Variants in CACUL1 observed in about 807,000 individuals in gnomAD.
CACUL1 encodes CDK2 associated cullin domain 1.
In CACUL1, 13 loss-of-function variants were observed where a neutral mutation model predicts 45.2. That is an observed-to-expected ratio of 0.29 (90% CI 0.19 to 0.46). The LOEUF (loss-of-function observed/expected upper bound fraction) is 0.46, where lower values mean the gene tolerates loss of function less well. Among genes scored for constraint, CACUL1 ranks in the 20% least tolerant of loss-of-function variants. CACUL1 has a pLI of 1.00. For missense variants in CACUL1, 421 were observed against 471.4 expected, an observed-to-expected ratio of 0.89 and a Z score of 0.99; for synonymous variants, 197 against 174.2, an observed-to-expected ratio of 1.13 and a Z score of -1.03.
In CACUL1 at chr10:118,679,544, G is replaced by C. The variant is rs2119524493; in HGVS notation, c.*6584C>G. The C allele has an allele frequency of 6.6e-6, 1 of 151,760 alleles. No homozygotes were observed. Among genetic ancestry groups the C allele is most frequent in the Non-Finnish European group, 1.5e-5 (1 of 67,960 alleles). The allele number at this position is 151,760 out of a possible 1,614,324, so 9.4% of individuals were successfully genotyped here. ...CTTTTTTTGTTTTTTGCTTGAGATA[G>C]TTTCACTCTTGTCGCCCAGGCTGGA... On this transcript the variant is annotated 3_prime_UTR_variant, in exon 9 of 9. Coordinates refer to ENST00000369151, the MANE Select transcript of CACUL1 (RefSeq NM_153810.5).
chr10:118,691,506 A>G, intron 6 of CACUL1, 103 bp from the exon 7 acceptor site: 1 of 1,039,354 alleles, frequency 9.6e-7, no homozygotes, highest in Non-Finnish European at 1.4e-6. Flanking sequence ...GCCAAATTTA[A>G]GCAGGGGAAA....
At chr10:118,714,865 A>C (rs1467653172) in intron 3 of CACUL1, among the ~76,000 whole-genome samples, 1 of 152,224 alleles carries the variant, frequency 6.6e-6, no homozygotes, top group Non-Finnish European at 1.5e-5. Flanking sequence ...AATTCATGCT[A>C]AGGCACCAGC....
chr10:118,712,641 G>A (rs1845500140), intron 3 of CACUL1, among the ~76,000 whole-genome samples: 1 of 152,212 alleles, frequency 6.6e-6, no homozygotes, highest in Non-Finnish European at 1.5e-5. Context: ...TCCACAGCCA[G>A]GGTGTCCGGA....
intron 3 of CACUL1, among the ~76,000 whole-genome samples, chr10:118,728,318 T>TG (rs1265506803): frequency 5.7e-5 from 1 of 17,438 alleles, no homozygotes; most frequent in Non-Finnish European, 1.7e-4. Context: ...GTGACTTTTC[T>TG]TTTTTTTTTT....
chr10:118,680,544 G>C lies in CACUL1; in HGVS notation c.*5584C>G, dbSNP rs773701929. Reference sequence around the variant, plus strand: ...TAAAGTAAGGTTACAAATAACCTAGGGGATGACACTAATTTCATAGCAAGA... The same window carrying C: ...TAAAGTAAGGTTACAAATAACCTAGCGGATGACACTAATTTCATAGCAAGA... On this transcript the variant is annotated 3_prime_UTR_variant, in exon 9 of 9. Transcript: ENST00000369151. 1 of 152,044 alleles carries C rather than the reference G, an allele frequency of 6.6e-6. No individual in the cohort carries two copies. The highest frequency in any genetic ancestry group is 1.5e-5 in the Non-Finnish European group (1 of 68,016). The allele number at this position is 152,044 out of a possible 1,614,324, so 9.4% of individuals were successfully genotyped here.
At chr10:118,702,201 C>T (rs1845388445) in intron 4 of CACUL1, among the ~76,000 whole-genome samples, 1 of 152,152 alleles carries the variant, frequency 6.6e-6, no homozygotes, top group Admixed American at 6.5e-5. Flanking sequence ...TGTAATTTTC[C>T]ACTACCTACA....
intron 7 of CACUL1, among the ~76,000 whole-genome samples, chr10:118,690,627 C>A (rs1256562736): frequency 2.0e-5 from 3 of 152,178 alleles, no homozygotes; most frequent in Non-Finnish European, 4.4e-5. Flanking sequence ...CTAGGTTAGT[C>A]ATAAAAGTAC....
chr10:118,690,027 G>A (rs573149983), intron 7 of CACUL1, among the ~76,000 whole-genome samples: 90 of 152,202 alleles, frequency 5.9e-4, no homozygotes, highest in African/African-American at 1.9e-3. Context: ...ATACTGGGCC[G>A]GGTGCAGTGG....
intron 1 of CACUL1, among the ~76,000 whole-genome samples, chr10:118,732,180 G>T (rs1845703476): frequency 6.6e-6 from 1 of 152,194 alleles, no homozygotes; most frequent in Non-Finnish European, 1.5e-5. Flanking sequence ...TAAGTTTGGA[G>T]GCTGTGAGCT....
At chr10:118,717,630 A>C (rs1265920747) in intron 3 of CACUL1, among the ~76,000 whole-genome samples, 1 of 152,224 alleles carries the variant, frequency 6.6e-6, no homozygotes, top group Non-Finnish European at 1.5e-5. Context: ...AATAAAGGAC[A>C]CATGGACTAT....
At chr10:118,692,918 C>T (rs1045336658) in intron 6 of CACUL1, 7 of 152,180 alleles carry the variant, frequency 4.6e-5, no homozygotes, top group Non-Finnish European at 1.5e-5. Context: ...GGGAGAAACT[C>T]GTGGCAAAAT....
intron 7 of CACUL1, among the ~76,000 whole-genome samples, chr10:118,690,207 A>G (rs1260248263): frequency 1.4e-5 from 2 of 148,068 alleles, no homozygotes; most frequent in Non-Finnish European, 3.0e-5. Flanking sequence ...AGGCTGAGGC[A>G]GGAGAATGGC....
intron 5 of CACUL1, among the ~76,000 whole-genome samples, chr10:118,697,520 T>C (rs1845334799): frequency 6.6e-6 from 1 of 152,274 alleles, no homozygotes; most frequent in Non-Finnish European, 1.5e-5. Context: ...ACACACCTTT[T>C]GATACCTGAA....
intron 3 of CACUL1, among the ~76,000 whole-genome samples, chr10:118,710,090 A>ATTTTT (rs113369997): frequency 7.1e-6 from 1 of 139,924 alleles, no homozygotes; most frequent in Non-Finnish European, 1.6e-5. Context: ...TTTGTTTGGG[A>ATTTTT]TTTTTTTTTT....
chr10:118,719,747 G>T (rs1263891627), intron 3 of CACUL1, among the ~76,000 whole-genome samples: 1 of 151,892 alleles, frequency 6.6e-6, no homozygotes, highest in Non-Finnish European at 1.5e-5. Flanking sequence ...GGAGGCGGAG[G>T]TTGCGGTGAG....
intron 1 of CACUL1, among the ~76,000 whole-genome samples, chr10:118,739,851 A>C (rs926299967): frequency 5.9e-5 from 9 of 152,368 alleles, no homozygotes; most frequent in Non-Finnish European, 1.2e-4. Flanking sequence ...GAAAAGTTTT[A>C]AGAGTATGTT....
At chr10:118,686,486 TTA>T in intron 8 of CACUL1, 110 bp downstream of exon 8, 1 of 881,458 alleles carries the variant, frequency 1.1e-6, no homozygotes, top group East Asian at 2.4e-5. Flanking sequence ...AAGCAGTGCC[TTA>T]TGAGAACAAC....
At chr10:118,697,314 T>A (rs962964404) in intron 5 of CACUL1, among the ~76,000 whole-genome samples, 1 of 152,256 alleles carries the variant, frequency 6.6e-6, no homozygotes, top group African/African-American at 2.4e-5. Context: ...GTCACAGAGC[T>A]AGCTAGAGGC....
chr10:118,754,839 C>T lies in CACUL1; in HGVS notation c.-77G>A. The T allele has an allele frequency of 6.7e-7, 1 of 1,487,694 alleles. No individual in the cohort carries two copies. Among genetic ancestry groups the T allele is most frequent in the Admixed American group, 2.4e-5 (1 of 41,512 alleles). 92.2% of individuals were successfully genotyped at this position (1,487,694 alleles called of 1,614,324 possible). The stretch of plus-strand genomic sequence containing the variant: ...AACCCCGGGCCAGCGGGCACCGCTG[C>T]CTCCCCGAGTTACATCGCCGGCGGC... On this transcript the variant is annotated 5_prime_UTR_variant, in exon 1 of 9. Transcript: ENST00000369151.
Sources: allele counts gnomAD v4.1 joint callset (sites outside exome capture counted in the v4.1 genomes callset), GRCh38; gene constraint gnomAD v4.1.1; transcripts MANE v1.5; gene names NCBI Gene and HGNC (gene_info 2026-07-23, HGNC 2026-07-21).